RASGRF2: variants seen among roughly 807,000 people sequenced by gnomAD.
RASGRF2 encodes the protein ras-specific guanine nucleotide-releasing factor 2.
In RASGRF2, 76 loss-of-function variants were observed where a neutral mutation model predicts 151.0. That is an observed-to-expected ratio of 0.50 (90% CI 0.42 to 0.61). The LOEUF is 0.61. Among genes scored for constraint, RASGRF2 ranks in the 20% least tolerant of loss-of-function variants. RASGRF2 has a pLI of 0.00. For synonymous variants in RASGRF2, 504 were observed against 566.5 expected, an observed-to-expected ratio of 0.89 and a Z score of 1.57; for missense variants, 1,148 against 1,564.6, an observed-to-expected ratio of 0.73 and a Z score of 4.49.
intron 15 of RASGRF2, among the ~76,000 whole-genome samples, chr5:81,118,890 T>G (rs758879985): frequency 6.6e-6 from 1 of 152,258 alleles, no homozygotes; most frequent in African/African-American, 2.4e-5. Context: ...TTTGCTACTT[T>G]GTAACAAAGA....
intron 1 of RASGRF2, among the ~76,000 whole-genome samples, chr5:80,994,443 G>T (rs1330269792): frequency 6.6e-6 from 1 of 150,964 alleles, no homozygotes; most frequent in East Asian, 1.9e-4. Context: ...AAACAGAAAT[G>T]ACGAGCTGAT....
At chr5:81,205,539 C>G (rs1456876629) in intron 19 of RASGRF2, among the ~76,000 whole-genome samples, 1 of 152,204 alleles carries the variant, frequency 6.6e-6, no homozygotes, top group East Asian at 1.9e-4. Context: ...GAAGCCATCT[C>G]TGTTGATATT....
rs183622031 is a variant in RASGRF2, at chr5:81,177,745, A to G, written c.2687-2430A>G. On this transcript the variant is annotated intron_variant, in intron 17 of 26. Coordinates refer to ENST00000265080, the MANE Select transcript of RASGRF2 (RefSeq NM_006909.3). ...AGATATGTAATGGGGGCTTTGTCCA[A>G]TTCAGGCTGGAAAGCGCTCATTTGG... 1.1e-4 allele frequency among the ~76,000 whole-genome samples: 16 copies of G among 152,210 alleles called. 1 individual carries two copies. The East Asian group carries it at 2.7e-3, about 26-fold the overall frequency.
At chr5:81,146,548 A>G (rs1013141702) in intron 17 of RASGRF2, among the ~76,000 whole-genome samples, 8 of 152,104 alleles carry the variant, frequency 5.3e-5, no homozygotes, top group African/African-American at 1.7e-4. Context: ...TGTATTCACT[A>G]TATACTTATT....
intron 17 of RASGRF2, among the ~76,000 whole-genome samples, chr5:81,146,113 A>G (rs1434149894): frequency 1.3e-5 from 2 of 152,236 alleles, no homozygotes; most frequent in Non-Finnish European, 2.9e-5. Flanking sequence ...TTGTATTTCA[A>G]GGTTCCCGAA....
intron 17 of RASGRF2, among the ~76,000 whole-genome samples, chr5:81,138,786 T>C (rs149643614): frequency 0.018 from 2,761 of 152,116 alleles, 94 homozygotes; most frequent in African/African-American, 0.062. Flanking sequence ...TTTCCAGAGT[T>C]TGTGATGACC....
chr5:81,115,071 A>G (rs886653361), intron 15 of RASGRF2, among the ~76,000 whole-genome samples: 22 of 152,298 alleles, frequency 1.4e-4, no homozygotes, highest in African/African-American at 5.1e-4. Context: ...TGACTTATTG[A>G]TAATATAATA....
intron 2 of RASGRF2, among the ~76,000 whole-genome samples, chr5:81,049,022 C>T (rs1284844481): frequency 1.3e-5 from 2 of 152,028 alleles, no homozygotes; most frequent in African/African-American, 2.4e-5. Flanking sequence ...TGGGTTTTGT[C>T]CCTACTCTAC....
chr5:81,032,211 A>C (rs937398031), intron 1 of RASGRF2, among the ~76,000 whole-genome samples: 2 of 152,232 alleles, frequency 1.3e-5, no homozygotes, highest in African/African-American at 4.8e-5. Context: ...GCCGAATTCT[A>C]CCAGAGGTAC....
At chr5:80,967,971 A>C (rs571291517) in intron 1 of RASGRF2, among the ~76,000 whole-genome samples, 26 of 152,360 alleles carry the variant, frequency 1.7e-4, no homozygotes, top group African/African-American at 6.3e-4. Flanking sequence ...CATAGGATTC[A>C]GTCTTGGCTC....
intron 17 of RASGRF2, among the ~76,000 whole-genome samples, chr5:81,161,308 G>A (rs930169080): frequency 1.3e-5 from 2 of 152,160 alleles, no homozygotes; most frequent in African/African-American, 4.8e-5. Context: ...TTGATACATA[G>A]GCAAGCTCTC....
intron 1 of RASGRF2, among the ~76,000 whole-genome samples, chr5:81,030,168 G>A (rs1327470527): frequency 6.6e-5 from 10 of 152,138 alleles, no homozygotes; most frequent in African/African-American, 1.4e-4. Context: ...CAAAATCTAC[G>A]TCTGATTGGT....
intron 17 of RASGRF2, among the ~76,000 whole-genome samples, chr5:81,143,281 G>A (rs972029565): frequency 2.0e-5 from 3 of 151,814 alleles, no homozygotes; most frequent in Admixed American, 6.6e-5. Context: ...CCAAGTAGCT[G>A]GGATTACAGG....
intron 17 of RASGRF2, among the ~76,000 whole-genome samples, chr5:81,167,058 G>A (rs150984402): frequency 6.9e-4 from 105 of 152,276 alleles, no homozygotes; most frequent in African/African-American, 2.3e-3. Context: ...GTGAAGAGAC[G>A]GGATGATCCT....
chr5:81,212,317 A>T, intron 22 of RASGRF2, 49 bp from the exon 23 acceptor site: 1 of 1,453,552 alleles, frequency 6.9e-7, no homozygotes, highest in Non-Finnish European at 9.4e-7. Flanking sequence ...GCCTAAATGC[A>T]CTGCTTGGGG....
At chr5:81,016,349 G>A (rs902286206) in intron 1 of RASGRF2, among the ~76,000 whole-genome samples, 1 of 152,186 alleles carries the variant, frequency 6.6e-6, no homozygotes, top group Non-Finnish European at 1.5e-5. Flanking sequence ...CAGATTCTCA[G>A]ATTCCTTGGT....
At chr5:81,151,183 A>G (rs1178996127) in intron 17 of RASGRF2, among the ~76,000 whole-genome samples, 1 of 152,210 alleles carries the variant, frequency 6.6e-6, no homozygotes, top group Non-Finnish European at 1.5e-5. Flanking sequence ...AGAGGGGACT[A>G]GATGTACTTC....
chr5:81,157,043 A>C (rs1754274682), intron 17 of RASGRF2, among the ~76,000 whole-genome samples: 1 of 152,128 alleles, frequency 6.6e-6, no homozygotes, highest in Admixed American at 6.5e-5. Context: ...AAAATTAATA[A>C]AACAATTCTA....
chr5:81,122,609 C>G (rs979435485), intron 15 of RASGRF2, among the ~76,000 whole-genome samples: 11 of 152,096 alleles, frequency 7.2e-5, no homozygotes, highest in African/African-American at 2.7e-4. Context: ...AATGGAATGG[C>G]AAAGCAAAGT....
Sources: gnomAD v4.1 joint callset for allele counts (sites outside exome capture counted in the v4.1 genomes callset) on GRCh38, gnomAD v4.1.1 for gene constraint, MANE v1.5 for transcripts, NCBI Gene and HGNC (gene_info 2026-07-23, HGNC 2026-07-21) for gene names.